Variants in CLDN2 observed in about 807,000 individuals in gnomAD.
The protein encoded by CLDN2 is claudin-2.
Under a neutral mutation model 8.2 loss-of-function variants are expected in CLDN2, and 1 was observed. That is an observed-to-expected ratio of 0.12 (90% CI 0.04 to 0.58). CLDN2 has a LOEUF of 0.58. CLDN2 is among the 20% of genes least tolerant of loss of function. The pLI is 0.90. For synonymous variants in CLDN2, 70 were observed against 70.2 expected, an observed-to-expected ratio of 1.00 and a Z score of 0.01; for missense variants, 108 against 172.9, an observed-to-expected ratio of 0.62 and a Z score of 2.11.
chrX:106,903,334 C>G, intron 1 of CLDN2: 1 of 1,136,210 alleles, frequency 8.8e-7, no homozygotes, highest in Non-Finnish European at 1.2e-6. Context: ...CCAGAACCTT[C>G]TGCACTCTTT....
At chrX:106,903,366 T>C in intron 1 of CLDN2, 1 of 998,642 alleles carries the variant, frequency 1.0e-6, no homozygotes, top group Non-Finnish European at 1.3e-6. Context: ...GGGAGACCCT[T>C]TTATAAGCCC....
intron 1 of CLDN2, among the ~76,000 whole-genome samples, chrX:106,904,410 A>G (rs2147786822): frequency 8.8e-6 from 1 of 113,004 alleles, no homozygotes; most frequent in African/African-American, 3.2e-5. Context: ...AGCTTCTTGG[A>G]TGTTCATCAC....
At chrX:106,924,790 C>T (rs1489719758) in intron 1 of CLDN2, among the ~76,000 whole-genome samples, 2 of 99,559 alleles carry the variant, frequency 2.0e-5, no homozygotes, top group African/African-American at 7.5e-5. Flanking sequence ...CCCCCCTTAC[C>T]TCTTTCTTCC....
At position 106,928,930 on chromosome X, in the gene CLDN2, G is replaced by T; in HGVS notation, c.*9G>T. 8.3e-7 allele frequency: 1 copy of T among 1,199,219 alleles called. No individual in the cohort carries two copies. Among genetic ancestry groups the T allele is most frequent in the Non-Finnish European group, 1.1e-6 (1 of 886,057 alleles). ...TGACAGGGTATGTGTGAAGAACCAG[G>T]GGCCAGAGCTGGGGGGTGGCTGGGT... On this transcript the variant is annotated 3_prime_UTR_variant, in exon 2 of 2. Transcript: ENST00000336803.
At chrX:106,909,541 G>A (rs1483478887) in intron 1 of CLDN2, among the ~76,000 whole-genome samples, 1 of 112,313 alleles carries the variant, frequency 8.9e-6, no homozygotes, top group Non-Finnish European at 1.9e-5. Flanking sequence ...GCAAGCCGGA[G>A]CCCCTGGGGT....
intron 1 of CLDN2, among the ~76,000 whole-genome samples, chrX:106,906,608 C>T (rs1933182100): frequency 9.0e-6 from 1 of 111,092 alleles, no homozygotes; most frequent in South Asian, 3.9e-4. Context: ...CAGTGCCATG[C>T]CCCACTCCCC....
At chrX:106,926,291 C>T (rs901680012) in intron 1 of CLDN2, among the ~76,000 whole-genome samples, 10 of 111,360 alleles carry the variant, frequency 9.0e-5, no homozygotes, top group African/African-American at 2.9e-4. Flanking sequence ...ATGTCAAATT[C>T]GAGATGTCTA....
upstream of CLDN2, among the ~76,000 whole-genome samples, chrX:106,919,748 T>C (rs1478523618): frequency 8.9e-6 from 1 of 112,800 alleles, no homozygotes; most frequent in African/African-American, 3.2e-5. Context: ...CCTCCCAAAG[T>C]GCTGGGATTA....
intron 1 of CLDN2, 128 bp from the exon 2 acceptor site, chrX:106,927,923 A>C: frequency 5.2e-6 from 1 of 193,979 alleles, no homozygotes; most frequent in East Asian, 8.5e-5. Flanking sequence ...TCCACGTTCA[A>C]AGTTGTTTTT....
Position 106,928,168 on chromosome X carries a change from A to G in CLDN2, c.-61A>G, listed in dbSNP as rs1297730800. The G allele has an allele frequency of 2.2e-6, 2 of 900,190 alleles. No homozygotes were observed. The highest frequency in any genetic ancestry group is 3.2e-6 in the Non-Finnish European group (2 of 632,877). 74.2% of individuals were successfully genotyped at this position (900,190 alleles called of 1,213,427 possible). ...AGGGATTAGAGGTGTTCAAGGAGCA[A>G]GAGCTTCAGCCTGAAGACAAGGGAG... is the stretch of plus-strand genomic sequence containing the variant. On this transcript the variant is annotated 5_prime_UTR_variant, in exon 2 of 2. Coordinates refer to ENST00000336803, the MANE Select transcript of CLDN2 (RefSeq NM_020384.4).
In CLDN2 at chrX:106,928,177, GCCTGAAGACAAGGGAGCAGTC is replaced by G. The variant is rs1933495744; in HGVS notation, c.-42_-22del. The G allele has an allele frequency of 1.0e-6, 1 of 970,365 alleles. No individual in the cohort carries two copies. Among genetic ancestry groups the G allele is most frequent in the Non-Finnish European group, 1.4e-6 (1 of 692,779 alleles). The allele number at this position is 970,365 out of a possible 1,213,427, so 80.0% of individuals were successfully genotyped here. A position where few individuals can be genotyped will look rare whatever the true frequency, so the allele number is the denominator to read the frequency against. On this transcript the variant is annotated 5_prime_UTR_variant, in exon 2 of 2. Coordinates refer to ENST00000336803, the MANE Select transcript of CLDN2 (RefSeq NM_020384.4). ...AGGTGTTCAAGGAGCAAGAGCTTCAGCCTGAAGACAAGGGAGCAGTCCCTGAAGACGCTTCTACTGAGAGGT... is the reference window on the plus strand; with the variant it reads ...AGGTGTTCAAGGAGCAAGAGCTTCAGCCTGAAGACGCTTCTACTGAGAGGT...
upstream of CLDN2, among the ~76,000 whole-genome samples, chrX:106,915,055 A>G (rs1933295052): frequency 8.9e-6 from 1 of 112,188 alleles, no homozygotes; most frequent in Non-Finnish European, 1.9e-5. Context: ...CCACTAATCT[A>G]TTATCCATCC....
At chrX:106,918,379 G>C (rs1399475185), upstream of CLDN2, 1 of 111,490 alleles carries the variant, frequency 9.0e-6, no homozygotes, top group African/African-American at 3.3e-5. Flanking sequence ...TGCCCTTTTA[G>C]CGTGTCCCAG....
At chrX:106,916,444 C>G (rs1025511322), upstream of CLDN2, among the ~76,000 whole-genome samples, 1 of 110,740 alleles carries the variant, frequency 9.0e-6, no homozygotes, top group African/African-American at 3.3e-5. Flanking sequence ...GTTTGGAGAG[C>G]TAGGTAGGGG....
chrX:106,902,092 A>T, intron 1 of CLDN2: 1 of 1,064,567 alleles, frequency 9.4e-7, no homozygotes, highest in East Asian at 3.2e-5. Flanking sequence ...GGTCACTGTT[A>T]ATGCATGTGG....
intron 1 of CLDN2, chrX:106,902,158 C>T (rs1933109146): frequency 8.4e-7 from 1 of 1,193,453 alleles, no homozygotes; most frequent in East Asian, 3.0e-5. Context: ...CCAGCTTCCT[C>T]ATCTGCCTTG....
At chrX:106,900,936 T>C (rs1304818719) in intron 1 of CLDN2, 2 of 1,199,641 alleles carry the variant, frequency 1.7e-6, no homozygotes, top group African/African-American at 3.5e-5. Flanking sequence ...ACATGGCCCC[T>C]AACAGGTGTC....
At chrX:106,923,103 T>C (rs1415534964) in intron 1 of CLDN2, among the ~76,000 whole-genome samples, 2 of 110,478 alleles carry the variant, frequency 1.8e-5, no homozygotes, top group Non-Finnish European at 3.8e-5. Context: ...GCCTCCCTAG[T>C]AGCTGGGATT....
upstream of CLDN2, among the ~76,000 whole-genome samples, chrX:106,917,679 T>C (rs1299451758): frequency 1.8e-5 from 2 of 109,884 alleles, no homozygotes; most frequent in African/African-American, 6.8e-5. Flanking sequence ...TCTCTTTGAT[T>C]TTCTTCCTCA....
Sources: gnomAD v4.1 joint callset for allele counts (sites outside exome capture counted in the v4.1 genomes callset) on GRCh38, gnomAD v4.1.1 for gene constraint, MANE v1.5 for transcripts, NCBI Gene and HGNC (gene_info 2026-07-23, HGNC 2026-07-21) for gene names.